PDE4D: variants seen among roughly 807,000 people sequenced by gnomAD.
PDE4D encodes phosphodiesterase 4D, also known as 3',5'-cyclic-AMP phosphodiesterase 4D.
In PDE4D, 24 loss-of-function variants were observed where a neutral mutation model predicts 87.4. The ratio of observed to expected loss-of-function variants is 0.27; its 90% confidence interval spans 0.20 to 0.39. PDE4D has a LOEUF of 0.39. Ranked by LOEUF, PDE4D falls within the 10% of genes least tolerant of loss-of-function variation. The pLI is 1.00. For synonymous variants in PDE4D, 384 were observed against 383.2 expected (o/e 1.00, Z -0.02); for missense variants, 714 against 1,041.0 (o/e 0.69, Z 4.32).
intron 1 of PDE4D, among the ~76,000 whole-genome samples, chr5:59,701,558 G>A (rs1434945320): frequency 6.6e-6 from 1 of 152,194 alleles, no homozygotes; most frequent in African/African-American, 2.4e-5. Flanking sequence ...AAGCACAATG[G>A]AGAAAATGCC....
intron 2 of PDE4D, among the ~76,000 whole-genome samples, chr5:60,104,975 G>A (rs556813906): frequency 2.0e-5 from 3 of 152,320 alleles, no homozygotes; most frequent in South Asian, 2.1e-4. Flanking sequence ...CCAAAGGAAC[G>A]CAGTTCCTCA....
At chr5:60,097,155 T>C (rs1775756428) in intron 2 of PDE4D, among the ~76,000 whole-genome samples, 1 of 151,964 alleles carries the variant, frequency 6.6e-6, no homozygotes, top group Admixed American at 6.6e-5. Context: ...TGAAGTCTTG[T>C]CCATGGCAAA....
chr5:59,512,047 T>G (rs1810367359), intron 1 of PDE4D, among the ~76,000 whole-genome samples: 2 of 152,184 alleles, frequency 1.3e-5, no homozygotes, highest in African/African-American at 4.8e-5. Flanking sequence ...TCTAAACTTT[T>G]GACTGTACCC....
chr5:60,150,555 G>C (rs1041545379), intron 2 of PDE4D, among the ~76,000 whole-genome samples: 1 of 151,988 alleles, frequency 6.6e-6, no homozygotes, highest in Non-Finnish European at 1.5e-5. Flanking sequence ...TATGCTCACT[G>C]GTCTGATGGT....
intron 3 of PDE4D, among the ~76,000 whole-genome samples, chr5:59,980,839 T>C (rs2152824879): frequency 6.6e-6 from 1 of 152,364 alleles, no homozygotes; most frequent in Middle Eastern, 3.4e-3. Context: ...GTCAGCATTT[T>C]TACATTGCTT....
At chr5:60,235,976 A>T (rs1746382253) in intron 1 of PDE4D, among the ~76,000 whole-genome samples, 1 of 151,958 alleles carries the variant, frequency 6.6e-6, no homozygotes. Context: ...GTGGAAAAGC[A>T]GTTCTGTAGA....
intron 2 of PDE4D, among the ~76,000 whole-genome samples, chr5:60,169,232 G>T (rs943278711): frequency 2.0e-5 from 3 of 151,938 alleles, no homozygotes; most frequent in African/African-American, 4.8e-5. Context: ...TCAAAAACAT[G>T]GGCAAAATTA....
chr5:59,901,324 T>C (rs1279148935), intron 3 of PDE4D, among the ~76,000 whole-genome samples: 1 of 152,178 alleles, frequency 6.6e-6, no homozygotes, highest in Non-Finnish European at 1.5e-5. Flanking sequence ...GTTAATATCA[T>C]CCTAGAGCTC....
intron 1 of PDE4D, among the ~76,000 whole-genome samples, chr5:60,457,762 C>T (rs1381008166): frequency 2.6e-5 from 4 of 152,164 alleles, no homozygotes; most frequent in African/African-American, 9.7e-5. Flanking sequence ...TTCCGAGTCT[C>T]AATGCCGTCT....
chr5:59,156,331 ATGTG>A (rs60467130), intron 5 of PDE4D, among the ~76,000 whole-genome samples: 4,116 of 122,698 alleles, frequency 0.034, 261 homozygotes, highest in African/African-American at 0.11. Context: ...ATATATATAT[ATGTG>A]TGTGTGTGTG....
chr5:60,043,954 C>A (rs1256807764), intron 2 of PDE4D, among the ~76,000 whole-genome samples: 1 of 152,168 alleles, frequency 6.6e-6, no homozygotes, highest in Non-Finnish European at 1.5e-5. Flanking sequence ...TTCTTTCTTG[C>A]ATGGTTGCCA....
chr5:60,287,272 A>G (rs961480331), intron 1 of PDE4D, among the ~76,000 whole-genome samples: 7 of 152,172 alleles, frequency 4.6e-5, no homozygotes, highest in Non-Finnish European at 8.8e-5. Context: ...AACAGCCTAC[A>G]AATATACAAA....
intron 5 of PDE4D, among the ~76,000 whole-genome samples, chr5:59,179,159 T>G (rs976817935): frequency 2.0e-4 from 30 of 152,202 alleles, no homozygotes; most frequent in Admixed American, 7.2e-4. Flanking sequence ...CAGGCTGGAG[T>G]GCAGTGGCGC....
At chr5:60,350,701 T>C (rs1759108909) in intron 1 of PDE4D, among the ~76,000 whole-genome samples, 1 of 152,174 alleles carries the variant, frequency 6.6e-6, no homozygotes, top group South Asian at 2.1e-4. Context: ...TCAATATATA[T>C]GAAATAAACT....
In PDE4D at chr5:58,974,545, G is replaced by T; in HGVS notation, c.*119C>A. ...GGACTGAGTAGTCAAGGTCAGTTTT[G>T]TTCAACAAACGTCCTGGCAGATGAC... On this transcript the variant is annotated 3_prime_UTR_variant, in exon 15 of 15. Coordinates refer to ENST00000340635, the MANE Select transcript of PDE4D (RefSeq NM_001104631.2). 1.0e-6 allele frequency: 1 copy of T among 976,696 alleles called. No individual in the cohort carries two copies. Among genetic ancestry groups the T allele is most frequent in the Non-Finnish European group, 1.5e-6 (1 of 663,186 alleles). 60.5% of individuals were successfully genotyped at this position (976,696 alleles called of 1,614,324 possible).
At chr5:59,970,328 A>T (rs1019300422) in intron 3 of PDE4D, among the ~76,000 whole-genome samples, 41 of 152,328 alleles carry the variant, frequency 2.7e-4, no homozygotes, top group African/African-American at 8.9e-4. Context: ...CACCAAAAGC[A>T]ATGGCAACAA....
At chr5:59,100,729 C>T (rs1770594298) in intron 5 of PDE4D, among the ~76,000 whole-genome samples, 1 of 152,150 alleles carries the variant, frequency 6.6e-6, no homozygotes, top group Non-Finnish European at 1.5e-5. Context: ...TACATCTTGT[C>T]TCATTTGATT....
intron 1 of PDE4D, among the ~76,000 whole-genome samples, chr5:59,275,154 TA>T (rs552620040): frequency 1.1e-3 from 171 of 149,968 alleles, no homozygotes; most frequent in Middle Eastern, 0.01. Flanking sequence ...CAAGAGGAAT[TA>T]AAAAAAAAAT....
At chr5:59,210,347 A>G (rs1331618447) in intron 2 of PDE4D, among the ~76,000 whole-genome samples, 2 of 152,190 alleles carry the variant, frequency 1.3e-5, no homozygotes, top group East Asian at 3.8e-4. Flanking sequence ...CCTTTTTCAA[A>G]CTCAGGACTG....
Sources: allele counts gnomAD v4.1 joint callset (sites outside exome capture counted in the v4.1 genomes callset), GRCh38; gene constraint gnomAD v4.1.1; transcripts MANE v1.5; gene names NCBI Gene and HGNC (gene_info 2026-07-23, HGNC 2026-07-21).